POLN: variants seen among roughly 807,000 people sequenced by gnomAD.
POLN encodes DNA polymerase N.
Under a neutral mutation model 113.5 loss-of-function variants are expected in POLN, and 108 were observed. The observed-to-expected ratio is 0.95, with a 90% CI of 0.81 to 1.12. The LOEUF is 1.12. POLN is among the 50% of genes most tolerant of loss of function. The pLI is 0.00. For synonymous variants in POLN, 386 were observed against 391.5 expected (o/e 0.99, Z 0.17); for missense variants, 1,097 against 1,077.1 (o/e 1.02, Z -0.26).
intron 7 of POLN, among the ~76,000 whole-genome samples, chr4:2,189,801 C>T (rs1444988494): frequency 4.0e-5 from 6 of 151,408 alleles, no homozygotes; most frequent in Admixed American, 6.6e-5. Flanking sequence ...GAGACCAAGG[C>T]GGGTGGATCA....
chr4:2,085,651 TC>T lies in POLN; in HGVS notation c.2158del (p.Asp720ThrfsTer45). On this transcript the variant is annotated frameshift_variant, in exon 21 of 26. Coordinates refer to ENST00000511885, the MANE Select transcript of POLN (RefSeq NM_181808.4). LOFTEE classifies it high-confidence loss of function. ...CTGGGCAATAGCTGCTCGGGCGAAG[TC>T]CTTGATTTTCTTGTACTTCTGCAAA... Reference protein sequence around the residue: ...SFLQKYKKIKDFARAAIAQCH... With the variant: ...SFLQKYKKIKXFARAAIAQCH... The T allele has an allele frequency of 6.2e-7, 1 of 1,614,130 alleles. No homozygotes were observed. The highest frequency in any genetic ancestry group is 1.1e-5 in the South Asian group (1 of 91,086).
At chr4:2,241,030 C>G in intron 2 of POLN, 1 of 1,038,174 alleles carries the variant, frequency 9.6e-7, no homozygotes, top group Non-Finnish European at 1.4e-6. Context: ...AGAAAAAAAG[C>G]TACGTTTTAT....
intron 8 of POLN, among the ~76,000 whole-genome samples, chr4:2,177,939 C>T (rs1420397705): frequency 3.3e-5 from 5 of 152,252 alleles, no homozygotes; most frequent in Non-Finnish European, 1.5e-5. Context: ...GGACTCAGGG[C>T]TGCGTGGCTC....
intron 13 of POLN, among the ~76,000 whole-genome samples, chr4:2,165,483 G>A (rs548065658): frequency 6.6e-6 from 1 of 152,326 alleles, no homozygotes; most frequent in Admixed American, 6.5e-5. Context: ...TCTGTATGAT[G>A]CTGTAATGGT....
intron 5 of POLN, among the ~76,000 whole-genome samples, chr4:2,199,443 T>A (rs965310335): frequency 6.6e-6 from 1 of 152,030 alleles, no homozygotes; most frequent in Non-Finnish European, 1.5e-5. Flanking sequence ...TACATCAACA[T>A]CATTTGCTTA....
chr4:2,122,461 A>T (rs987681677), intron 19 of POLN, among the ~76,000 whole-genome samples: 4 of 152,188 alleles, frequency 2.6e-5, no homozygotes, highest in Non-Finnish European at 5.9e-5. Context: ...AGGGACAGAG[A>T]GTAAATGATG....
chr4:2,086,418 C>G (rs1730552123), intron 20 of POLN, among the ~76,000 whole-genome samples: 1 of 152,210 alleles, frequency 6.6e-6, no homozygotes, highest in Non-Finnish European at 1.5e-5. Flanking sequence ...GGCCCTGTCC[C>G]ACCAGGAGGT....
chr4:2,121,448 A>T (rs147814109), intron 19 of POLN, among the ~76,000 whole-genome samples: 14,597 of 124,500 alleles, frequency 0.12, 1,081 homozygotes, highest in African/African-American at 0.21. Context: ...AAAAAAAAAA[A>T]AAAAATATAT....
chr4:2,141,430 C>T lies in POLN; in HGVS notation c.1732-10140G>A, dbSNP rs34845090. On this transcript the variant is annotated intron_variant, in intron 16 of 25. Coordinates refer to ENST00000511885, the MANE Select transcript of POLN (RefSeq NM_181808.4). Reference sequence around the variant, plus strand: ...GATGATGCTGGGAGCCTACATACCCCCCGGCACCTGAAGAGAGGGTCCTGT... The same window carrying T: ...GATGATGCTGGGAGCCTACATACCCTCCGGCACCTGAAGAGAGGGTCCTGT... 1.7e-3 allele frequency among the ~76,000 whole-genome samples: 266 copies of T among 152,304 alleles called. 2 individuals carry two copies. The highest frequency in any genetic ancestry group is 6.8e-3 in the Middle Eastern group (2 of 294).
chr4:2,167,043 C>T (rs1204785681), intron 13 of POLN, among the ~76,000 whole-genome samples: 1 of 152,192 alleles, frequency 6.6e-6, no homozygotes, highest in Non-Finnish European at 1.5e-5. Context: ...AAGACCTTTT[C>T]CCCACTAAAC....
intron 16 of POLN, among the ~76,000 whole-genome samples, chr4:2,144,974 G>A (rs547637209): frequency 6.6e-6 from 1 of 152,284 alleles, no homozygotes; most frequent in African/African-American, 2.4e-5. Context: ...GCACAGAATT[G>A]AGAGCCTAGA....
At chr4:2,152,961 A>G (rs1732330669) in intron 16 of POLN, among the ~76,000 whole-genome samples, 1 of 152,260 alleles carries the variant, frequency 6.6e-6, no homozygotes, top group Admixed American at 6.5e-5. Flanking sequence ...CAGTACAGTA[A>G]TTACTCAGTA....
chr4:2,137,054 A>G (rs1371861533), intron 16 of POLN, among the ~76,000 whole-genome samples: 1 of 152,262 alleles, frequency 6.6e-6, no homozygotes, highest in Non-Finnish European at 1.5e-5. Context: ...CTCCCGGGGC[A>G]GGGCCCACGG....
At chr4:2,228,478 C>T (rs915531622) in intron 3 of POLN, 4 of 199,092 alleles carry the variant, frequency 2.0e-5, no homozygotes, top group Non-Finnish European at 4.2e-5. Flanking sequence ...AGCTGGACTA[C>T]AGGCGCCTAC....
intron 13 of POLN, among the ~76,000 whole-genome samples, chr4:2,169,051 G>A (rs1327808151): frequency 6.6e-6 from 1 of 152,180 alleles, no homozygotes; most frequent in Non-Finnish European, 1.5e-5. Flanking sequence ...TGTTTAAGCT[G>A]ACAATCAGAA....
rs532641103 is a variant in POLN, at chr4:2,157,509, G to A, written c.1665+349C>T. ...TGGGAGGCCGAGGCAGGCAGATCACGACGTAAGAGTTTGAGACCAGCCTGG... is the reference window on the plus strand; with the variant it reads ...TGGGAGGCCGAGGCAGGCAGATCACAACGTAAGAGTTTGAGACCAGCCTGG... On this transcript the variant is annotated intron_variant, in intron 15 of 25. Transcript: ENST00000511885. Among the ~76,000 whole-genome samples, 4 of 152,078 alleles carry A rather than the reference G, an allele frequency of 2.6e-5. No homozygotes were observed. The East Asian group carries it at 5.8e-4, about 22-fold the overall frequency.
At chr4:2,116,531 T>A (rs1363827525) in intron 19 of POLN, among the ~76,000 whole-genome samples, 1 of 145,978 alleles carries the variant, frequency 6.9e-6, no homozygotes, top group Non-Finnish European at 1.5e-5. Context: ...AATTAATCCT[T>A]CTTCTCATGA....
chr4:2,155,503 G>A (rs1029326300), intron 16 of POLN, among the ~76,000 whole-genome samples: 6 of 152,116 alleles, frequency 3.9e-5, no homozygotes, highest in African/African-American at 1.4e-4. Context: ...CCCTCTGCCT[G>A]CATGCACTCG....
intron 16 of POLN, among the ~76,000 whole-genome samples, chr4:2,146,280 C>G (rs868182125): frequency 1.3e-5 from 2 of 151,400 alleles, no homozygotes; most frequent in African/African-American, 4.9e-5. Flanking sequence ...CCGAGGCAGG[C>G]GGATCACCTG....
Sources: allele counts gnomAD v4.1 joint callset (sites outside exome capture counted in the v4.1 genomes callset), GRCh38; gene constraint gnomAD v4.1.1; transcripts MANE v1.5; gene names NCBI Gene and HGNC (gene_info 2026-07-23, HGNC 2026-07-21).